NEDD4L: variants seen among roughly 807,000 people sequenced by gnomAD.
NEDD4L encodes the protein E3 ubiquitin-protein ligase NEDD4-like.
Under a neutral mutation model 148.9 loss-of-function variants are expected in NEDD4L, and 54 were observed. That is an observed-to-expected ratio of 0.36 (90% CI 0.29 to 0.45). The LOEUF (loss-of-function observed/expected upper bound fraction) is 0.45. Ranked by LOEUF, NEDD4L falls within the 20% of genes least tolerant of loss-of-function variation. NEDD4L has a pLI of 1.00. For missense variants in NEDD4L, 856 were observed against 1,233.8 expected (o/e 0.69, Z 4.59); for synonymous variants, 433 against 440.7 (o/e 0.98, Z 0.22).
intron 1 of NEDD4L, among the ~76,000 whole-genome samples, chr18:58,147,364 G>A (rs1179909184): frequency 6.6e-6 from 1 of 151,992 alleles, no homozygotes; most frequent in Non-Finnish European, 1.5e-5. Context: ...TTTCCCTGGT[G>A]TAATATTAAA....
intron 5 of NEDD4L, among the ~76,000 whole-genome samples, chr18:58,255,209 C>T (rs1185841459): frequency 3.3e-5 from 5 of 152,034 alleles, no homozygotes; most frequent in Non-Finnish European, 5.9e-5. Flanking sequence ...GCGTGGCTTG[C>T]AGTGTGTTTG....
At chr18:58,272,491 G>T (rs763657925) in intron 5 of NEDD4L, among the ~76,000 whole-genome samples, 2 of 152,060 alleles carry the variant, frequency 1.3e-5, no homozygotes, top group Non-Finnish European at 2.9e-5. Flanking sequence ...GCACAAATTG[G>T]CCGGTATGTG....
At chr18:58,183,169 G>C (rs1296091457) in intron 2 of NEDD4L, among the ~76,000 whole-genome samples, 1 of 152,304 alleles carries the variant, frequency 6.6e-6, no homozygotes, top group Non-Finnish European at 1.5e-5. Context: ...CTGGGAGGAG[G>C]GTGCTAAGTG....
At chr18:58,201,274 A>C (rs7234313) in intron 2 of NEDD4L, among the ~76,000 whole-genome samples, 2,745 of 152,214 alleles carry the variant, frequency 0.018, 86 homozygotes, top group African/African-American at 0.061. Context: ...CAGAGGTTGC[A>C]GTGAGCCGAG....
At chr18:58,222,857 T>G (rs1378523896) in intron 2 of NEDD4L, among the ~76,000 whole-genome samples, 1 of 152,248 alleles carries the variant, frequency 6.6e-6, no homozygotes, top group Non-Finnish European at 1.5e-5. Context: ...TATTTCACAT[T>G]GAAAAGTACT....
chr18:58,163,905 G>A (rs1459091188), intron 1 of NEDD4L, among the ~76,000 whole-genome samples: 1 of 151,706 alleles, frequency 6.6e-6, no homozygotes, highest in Non-Finnish European at 1.5e-5. Context: ...TGTTCTCTTC[G>A]ACATTCTATA....
At chr18:58,160,995 CT>C (rs1307951879) in intron 1 of NEDD4L, among the ~76,000 whole-genome samples, 2 of 152,144 alleles carry the variant, frequency 1.3e-5, no homozygotes, top group African/African-American at 4.8e-5. Flanking sequence ...TAAAAAATAA[CT>C]CATAGGGTTG....
At chr18:58,108,753 A>G (rs1482106211) in intron 1 of NEDD4L, among the ~76,000 whole-genome samples, 1 of 152,210 alleles carries the variant, frequency 6.6e-6, no homozygotes, top group Non-Finnish European at 1.5e-5. Flanking sequence ...AAATTTTGGT[A>G]TAATAGAGAC....
At chr18:58,213,934 C>T (rs937901240) in intron 2 of NEDD4L, among the ~76,000 whole-genome samples, 26 of 152,192 alleles carry the variant, frequency 1.7e-4, no homozygotes, top group African/African-American at 6.0e-4. Context: ...CTGTTTGTGC[C>T]TCTCGTTTGC....
intron 5 of NEDD4L, among the ~76,000 whole-genome samples, chr18:58,279,038 A>ATT (rs962386225): frequency 6.9e-6 from 1 of 145,972 alleles, no homozygotes; most frequent in African/African-American, 2.5e-5. Context: ...CATCCAGCTA[A>ATT]TTTTTTTTTT....
At chr18:58,164,787 C>T (rs1000721056) in intron 1 of NEDD4L, among the ~76,000 whole-genome samples, 1 of 152,180 alleles carries the variant, frequency 6.6e-6, no homozygotes, top group African/African-American at 2.4e-5. Context: ...ATTTTTTATT[C>T]TTACTCTTAG....
chr18:58,189,255 T>G (rs1599520123), intron 2 of NEDD4L, among the ~76,000 whole-genome samples: 1 of 152,212 alleles, frequency 6.6e-6, no homozygotes, highest in Non-Finnish European at 1.5e-5. Context: ...CTTTAAAAGT[T>G]CAGCCCCAGC....
intron 15 of NEDD4L, 75 bp from the exon 16 acceptor site, chr18:58,342,831 G>T: frequency 2.5e-6 from 3 of 1,196,662 alleles, no homozygotes; most frequent in Non-Finnish European, 3.3e-6. Flanking sequence ...GAAGCCTTCT[G>T]CAATACCCAG....
chr18:58,380,774 C>T (rs927518985), intron 24 of NEDD4L, among the ~76,000 whole-genome samples: 2 of 152,172 alleles, frequency 1.3e-5, no homozygotes, highest in Non-Finnish European at 2.9e-5. Flanking sequence ...CTCCCTGTGT[C>T]CATGAGTTCT....
intron 1 of NEDD4L, among the ~76,000 whole-genome samples, chr18:58,152,143 C>T (rs938477077): frequency 6.6e-6 from 1 of 152,004 alleles, no homozygotes; most frequent in Non-Finnish European, 1.5e-5. Flanking sequence ...GACAATTGTA[C>T]TCAAGATGAA....
intron 5 of NEDD4L, among the ~76,000 whole-genome samples, chr18:58,264,019 T>C (rs989968388): frequency 6.6e-6 from 1 of 152,122 alleles, no homozygotes; most frequent in Non-Finnish European, 1.5e-5. Context: ...ATAGTATCTG[T>C]TCCATAGGAC....
chr18:58,273,241 A>C (rs960933324), intron 5 of NEDD4L, among the ~76,000 whole-genome samples: 2 of 152,180 alleles, frequency 1.3e-5, no homozygotes, highest in African/African-American at 4.8e-5. Flanking sequence ...CTGATATATA[A>C]ATAGCATGGA....
At chr18:58,355,925 T>C (rs994139222) in intron 18 of NEDD4L, among the ~76,000 whole-genome samples, 2 of 152,080 alleles carry the variant, frequency 1.3e-5, no homozygotes, top group African/African-American at 4.8e-5. Flanking sequence ...ACTTACAGTG[T>C]ATACAGAAAA....
intron 2 of NEDD4L, among the ~76,000 whole-genome samples, chr18:58,200,144 A>G (rs377004029): frequency 3.9e-5 from 6 of 152,254 alleles, no homozygotes; most frequent in South Asian, 4.1e-4. Flanking sequence ...CTCTCTGCTC[A>G]GGGTAGCCAT....
Sources: allele counts gnomAD v4.1 joint callset (sites outside exome capture counted in the v4.1 genomes callset), GRCh38; gene constraint gnomAD v4.1.1; transcripts MANE v1.5; gene names NCBI Gene and HGNC (gene_info 2026-07-23, HGNC 2026-07-21).